Variants in XIRP2 observed in about 807,000 individuals in gnomAD.
The protein encoded by XIRP2 is xin actin binding repeat containing 2, also known as xin actin-binding repeat-containing protein 2.
A neutral mutation model predicts 277.0 loss-of-function variants in XIRP2; 236 were observed. The observed-to-expected ratio is 0.85, with a 90% CI of 0.77 to 0.95. The LOEUF (loss-of-function observed/expected upper bound fraction) is 0.95, where lower values mean the gene tolerates loss of function less well. XIRP2 is among the 40% of genes least tolerant of loss of function. XIRP2 has a pLI of 0.00. For synonymous variants in XIRP2, 1,490 were observed against 1,416.5 expected (o/e 1.05, Z -1.17); for missense variants, 4,640 against 4,157.5 (o/e 1.12, Z -3.19).
intron 3 of XIRP2, among the ~76,000 whole-genome samples, chr2:167,180,431 A>C (rs1483833287): frequency 6.6e-6 from 1 of 152,080 alleles, no homozygotes; most frequent in Admixed American, 6.5e-5. Context: ...AATTTTCCCC[A>C]TTACATTGAT....
intron 1 of XIRP2, among the ~76,000 whole-genome samples, chr2:166,900,143 A>G (rs1187972448): frequency 6.6e-6 from 1 of 151,928 alleles, no homozygotes; most frequent in African/African-American, 2.4e-5. Flanking sequence ...TTATAGTCCA[A>G]CTTGTCTCTT....
intron 2 of XIRP2, among the ~76,000 whole-genome samples, chr2:167,126,081 C>A (rs1223253401): frequency 2.0e-5 from 3 of 152,090 alleles, no homozygotes; most frequent in Non-Finnish European, 4.4e-5. Flanking sequence ...GGGAGCCTCC[C>A]AAAAATGAGA....
chr2:167,159,963 C>A (rs1416664621), intron 3 of XIRP2, among the ~76,000 whole-genome samples: 3 of 152,146 alleles, frequency 2.0e-5, no homozygotes, highest in African/African-American at 7.2e-5. Flanking sequence ...ACTTTTCCAA[C>A]ATATGCAATG....
intron 3 of XIRP2, among the ~76,000 whole-genome samples, chr2:167,205,847 AC>A (rs199958492): frequency 0.031 from 4,678 of 152,196 alleles, 112 homozygotes; most frequent in Non-Finnish European, 0.044. Context: ...AATAAATACA[AC>A]CATTTTTATG....
In XIRP2 at chr2:167,245,474, CTA is replaced by C; in HGVS notation, c.4084_4085del (p.Ile1362Ter). 6.2e-7 allele frequency: 1 copy of C among 1,613,504 alleles called. No homozygotes were observed. Among genetic ancestry groups the C allele is most frequent in the Non-Finnish European group, 8.5e-7 (1 of 1,179,700 alleles). On this transcript the variant is annotated frameshift_variant, in exon 9 of 11. Transcript: ENST00000409195. LOFTEE classifies it high-confidence loss of function. ...CTTTTTGAAACAAAGCCATTAGACT[CTA>C]TTAATAAATCAGAAACTGTGTATGT...
chr2:167,147,302 G>A (rs1042788421), intron 3 of XIRP2, among the ~76,000 whole-genome samples: 1 of 152,154 alleles, frequency 6.6e-6, no homozygotes, highest in East Asian at 1.9e-4. Flanking sequence ...TGCAAACCCT[G>A]TATCTCCAAA....
intron 2 of XIRP2, among the ~76,000 whole-genome samples, chr2:167,053,521 A>T (rs1688967100): frequency 6.6e-6 from 1 of 152,136 alleles, no homozygotes; most frequent in Non-Finnish European, 1.5e-5. Flanking sequence ...TGATTATGAC[A>T]TAAATGTCTA....
At position 166,934,209 on chromosome 2, in the gene XIRP2, AAAAAAC is replaced by A. The variant is rs1262092473; in HGVS notation, c.408+30324_408+30329del. ...AAAATCAACAGCAAAAAAAAAAAAA[AAAAAAC>A]AAAACTAGGGTCTCTCTCTCTTGCT... On this transcript the variant is annotated intron_variant, in intron 2 of 10. Transcript: ENST00000409195. Among the ~76,000 whole-genome samples the A allele has an allele frequency of 5.2e-4, 78 of 151,098 alleles. 1 individual carries two copies. Among genetic ancestry groups the A allele is most frequent in the African/African-American group, 1.7e-3 (71 of 40,966 alleles).
chr2:166,911,998 A>C lies in XIRP2; in HGVS notation c.408+8108A>C, dbSNP rs572274993. On this transcript the variant is annotated intron_variant, in intron 2 of 10. Coordinates refer to ENST00000409195, the MANE Select transcript of XIRP2 (RefSeq NM_152381.6). ...ATCCACTGTTAGTCTGATGGGCTTC[A>C]CTTTGTGAGTAACCCGACCTTTCTT... Among the ~76,000 whole-genome samples the C allele has an allele frequency of 2.6e-5, 4 of 152,274 alleles. No individual in the cohort carries two copies. In the East Asian group the frequency reaches 5.8e-4, roughly 22 times the overall value.
At chr2:166,968,865 C>A (rs1686499191) in intron 2 of XIRP2, among the ~76,000 whole-genome samples, 1 of 151,876 alleles carries the variant, frequency 6.6e-6, no homozygotes, top group Non-Finnish European at 1.5e-5. Context: ...ATAAATGGTT[C>A]TAAATGATAG....
chr2:167,182,771 C>T (rs910861175), intron 3 of XIRP2, among the ~76,000 whole-genome samples: 6 of 152,042 alleles, frequency 3.9e-5, no homozygotes, highest in Admixed American at 3.3e-4. Flanking sequence ...AATTAAATTG[C>T]TGGCACAATT....
At chr2:167,231,179 T>C (rs764314001) in intron 5 of XIRP2, among the ~76,000 whole-genome samples, 1 of 152,024 alleles carries the variant, frequency 6.6e-6, no homozygotes, top group Non-Finnish European at 1.5e-5. Flanking sequence ...TTTTCTTCCT[T>C]CTTATTTGGA....
chr2:167,108,779 T>A (rs1185051297), intron 2 of XIRP2, among the ~76,000 whole-genome samples: 1 of 151,890 alleles, frequency 6.6e-6, no homozygotes, highest in Admixed American at 6.6e-5. Flanking sequence ...GTATACTCTT[T>A]AAAAATCCAA....
intron 2 of XIRP2, among the ~76,000 whole-genome samples, chr2:167,122,908 G>A (rs553201622): frequency 6.6e-6 from 1 of 151,930 alleles, no homozygotes. Context: ...TTCATGCCAG[G>A]GACTTCCATG....
chr2:167,146,545 T>A, intron 3 of XIRP2, among the ~76,000 whole-genome samples: 1 of 150,112 alleles, frequency 6.7e-6, no homozygotes, highest in Non-Finnish European at 1.5e-5. Flanking sequence ...TTATAGAGAA[T>A]AGAATATAAA....
At position 167,259,341 on chromosome 2, in the gene XIRP2, G is replaced by A; in HGVS notation, c.*1524G>A. 6.2e-7 allele frequency: 1 copy of A among 1,609,134 alleles called. No homozygotes were observed. Among genetic ancestry groups the A allele is most frequent in the Non-Finnish European group, 8.5e-7 (1 of 1,178,096 alleles). ...GTGGAAGAGCAGATTAAAAGAAACA[G>A]GTGCTACAGTGACACTGAGTAAAAT... On this transcript the variant is annotated 3_prime_UTR_variant, in exon 11 of 11. Transcript: ENST00000409195.
At chr2:166,955,187 T>C (rs1686130674) in intron 2 of XIRP2, among the ~76,000 whole-genome samples, 1 of 151,834 alleles carries the variant, frequency 6.6e-6, no homozygotes, top group African/African-American at 2.4e-5. Flanking sequence ...AGAAAACGGA[T>C]AGACAAAATG....
At chr2:167,060,048 C>T (rs553607094) in intron 2 of XIRP2, among the ~76,000 whole-genome samples, 2 of 152,108 alleles carry the variant, frequency 1.3e-5, no homozygotes, top group African/African-American at 4.8e-5. Context: ...AATGAGTGAT[C>T]CTAGCTAATG....
At chr2:167,032,358 C>T (rs187377647) in intron 2 of XIRP2, among the ~76,000 whole-genome samples, 1 of 152,066 alleles carries the variant, frequency 6.6e-6, no homozygotes, top group Non-Finnish European at 1.5e-5. Context: ...AGAAGAAAAC[C>T]TAGGCAATAC....
Sources: allele counts gnomAD v4.1 joint callset (sites outside exome capture counted in the v4.1 genomes callset), GRCh38; gene constraint gnomAD v4.1.1; transcripts MANE v1.5; gene names NCBI Gene and HGNC (gene_info 2026-07-23, HGNC 2026-07-21).